The following LMF1 variants were observed in gnomAD, a reference collection of about 807,000 sequenced individuals.
LMF1 encodes lipase maturation factor 1, also known as transmembrane protein 112.
LMF1 carries 68 observed loss-of-function variants against 60.6 expected under a neutral mutation model. The ratio of observed to expected loss-of-function variants is 1.12; its 90% CI spans 0.92 to 1.37. LMF1 has a LOEUF of 1.37. Ranked by LOEUF, LMF1 falls within the 40% of genes most tolerant of loss-of-function variation. LMF1 has a pLI of 0.00. For synonymous variants in LMF1, 418 were observed against 324.7 expected (o/e 1.29, Z -3.09); for missense variants, 948 against 767.2 (o/e 1.24, Z -2.78).
intron 3 of LMF1, among the ~76,000 whole-genome samples, chr16:922,618 G>GCGTCGCA (rs1597000978): frequency 8.5e-5 from 12 of 141,488 alleles, no homozygotes; most frequent in South Asian, 2.3e-4. Flanking sequence ...TGTGGTGTTG[G>GCGTCGCA]TGCGTGTTGT....
Position 854,632 on chromosome 16 carries a change from C to T in LMF1, c.1604G>A (p.Trp535Ter). 2 of 1,607,424 alleles carry T rather than the reference C, an allele frequency of 1.2e-6. No homozygotes were observed. The highest frequency in any genetic ancestry group is 4.5e-5 in the East Asian group (2 of 44,678). The change falls in exon 11 of 11, where the codon TGG (tryptophan) becomes TAG (stop). Residue 535 changes from tryptophan (W) to a stop codon, truncating the protein, a stop_gained. Transcript: ENST00000262301. LOFTEE classifies it low-confidence loss of function (END_TRUNC). The part of the protein sequence containing the change: ...GGRHAAEGKW[W>*]VRKRIGAYFP... The stretch of plus-strand genomic sequence containing the variant: ...GTAGGCTCCGATCCTCTTCCGCACC[C>T]ACCACTTGCCCTCGGCGGCGTGCCT...
At chr16:968,907 AG>A (rs1448303399) in intron 1 of LMF1, 1 of 152,262 alleles carries the variant, frequency 6.6e-6, no homozygotes, top group African/African-American at 2.4e-5. Context: ...CCCCTGTGGA[AG>A]GCCTATTAGA....
intron 3 of LMF1, among the ~76,000 whole-genome samples, chr16:926,071 G>T (rs1336368668): frequency 1.3e-5 from 2 of 151,986 alleles, no homozygotes; most frequent in African/African-American, 4.8e-5. Context: ...CATATAATCT[G>T]CATAGGTGGG....
chr16:919,162 C>G (rs1020234564), intron 3 of LMF1, among the ~76,000 whole-genome samples: 1 of 152,114 alleles, frequency 6.6e-6, no homozygotes, highest in Non-Finnish European at 1.5e-5. Flanking sequence ...GCGGCTTTTC[C>G]AGACCCTCCC....
intron 3 of LMF1, among the ~76,000 whole-genome samples, chr16:923,372 T>C (rs1281544305): frequency 6.6e-6 from 1 of 152,150 alleles, no homozygotes; most frequent in Non-Finnish European, 1.5e-5. Flanking sequence ...TTCCTAACTC[T>C]GCCGGCTGAG....
Position 914,731 on chromosome 16 carries a change from C to T in LMF1, c.515-3652G>A, listed in dbSNP as rs535828787. Among the ~76,000 whole-genome samples, 3 of 84,706 alleles carry T rather than the reference C, an allele frequency of 3.5e-5. No individual in the cohort carries two copies. The South Asian group carries it at 1.3e-3, about 37-fold the overall frequency. 55.6% of individuals were successfully genotyped at this position (84,706 alleles called of 152,430 possible). On this transcript the variant is annotated intron_variant, in intron 3 of 10. Transcript: ENST00000262301. Reference sequence around the variant, plus strand: ...CCCACGACCATTGGTGACACTCTCCCTCCCTCCCCATGACTATTGGTGACA... The same window carrying T: ...CCCACGACCATTGGTGACACTCTCCTTCCCTCCCCATGACTATTGGTGACA...
At chr16:875,728 G>T in intron 6 of LMF1, among the ~76,000 whole-genome samples, 1 of 152,156 alleles carries the variant, frequency 6.6e-6, no homozygotes, top group East Asian at 1.9e-4. Context: ...GTGTCCAGGG[G>T]TGCCCTTGGA....
chr16:971,065 C>G, upstream of LMF1: 2 of 1,326,328 alleles, frequency 1.5e-6, no homozygotes, highest in Non-Finnish European at 2.0e-6. Flanking sequence ...CCCTGGCCGG[C>G]CCTGCCCACG....
At chr16:911,209 G>C in intron 3 of LMF1, 130 bp from the exon 4 acceptor site, 1 of 1,049,362 alleles carries the variant, frequency 9.5e-7, no homozygotes, top group African/African-American at 1.6e-5. Flanking sequence ...AGAGACACCA[G>C]CCCGCACGTA....
At chr16:959,692 C>A (rs747943659) in intron 1 of LMF1, among the ~76,000 whole-genome samples, 2 of 152,222 alleles carry the variant, frequency 1.3e-5, no homozygotes, top group Non-Finnish European at 2.9e-5. Context: ...TGTACACAAA[C>A]GCTGCACTCC....
chr16:908,960 T>C (rs2071036874), intron 4 of LMF1, among the ~76,000 whole-genome samples: 1 of 152,098 alleles, frequency 6.6e-6, no homozygotes, highest in African/African-American at 2.4e-5. Context: ...GGGACAACCC[T>C]CTGGACACCT....
chr16:922,323 T>C (rs940790360), intron 3 of LMF1, among the ~76,000 whole-genome samples: 2 of 152,162 alleles, frequency 1.3e-5, no homozygotes, highest in Non-Finnish European at 2.9e-5. Context: ...GGGGTTCTGA[T>C]CCAGCTGTGA....
At chr16:917,498 C>G (rs951697206) in intron 3 of LMF1, among the ~76,000 whole-genome samples, 1 of 77,134 alleles carries the variant, frequency 1.3e-5, no homozygotes. Flanking sequence ...CGCAGGCCCA[C>G]GTGAAGAAAT....
At chr16:959,244 T>C (rs974887941) in intron 1 of LMF1, among the ~76,000 whole-genome samples, 7 of 152,208 alleles carry the variant, frequency 4.6e-5, no homozygotes, top group Non-Finnish European at 1.0e-4. Context: ...GAGATAAGAA[T>C]GCAGCTGTTG....
At chr16:879,818 C>T in intron 5 of LMF1, 81 bp from the exon 6 acceptor site, 1 of 1,395,588 alleles carries the variant, frequency 7.2e-7, no homozygotes, top group Non-Finnish European at 9.8e-7. Flanking sequence ...GTCCCTGGCC[C>T]CCTGACCCCG....
intron 2 of LMF1, among the ~76,000 whole-genome samples, chr16:951,837 A>G (rs2072478844): frequency 1.3e-5 from 2 of 152,176 alleles, no homozygotes; most frequent in African/African-American, 4.8e-5. Flanking sequence ...CCGTCCAGAC[A>G]CTCAACAAGC....
intron 2 of LMF1, among the ~76,000 whole-genome samples, chr16:948,655 G>A (rs2072323617): frequency 6.6e-6 from 1 of 151,416 alleles, no homozygotes; most frequent in African/African-American, 2.4e-5. Context: ...GACAGAGTCA[G>A]CCAACGACAG....
At chr16:971,736 A>G (rs1596179473), upstream of LMF1, among the ~76,000 whole-genome samples, 1 of 152,318 alleles carries the variant, frequency 6.6e-6, no homozygotes, top group East Asian at 1.9e-4. Context: ...AGCGGGTGCT[A>G]GGAAGGGCTG....
intron 6 of LMF1, among the ~76,000 whole-genome samples, chr16:876,159 C>A (rs1219580027): frequency 6.6e-6 from 1 of 152,252 alleles, no homozygotes; most frequent in Non-Finnish European, 1.5e-5. Context: ...AACCGGGGCA[C>A]GTGCGGACCA....
Sources: allele counts gnomAD v4.1 joint callset (sites outside exome capture counted in the v4.1 genomes callset), GRCh38; gene constraint gnomAD v4.1.1; transcripts MANE v1.5; gene names NCBI Gene and HGNC (gene_info 2026-07-23, HGNC 2026-07-21).